Variants in DPH6 observed in about 807,000 individuals in gnomAD.
DPH6 encodes the protein diphthamine biosynthesis 6, also known as diphthine--ammonia ligase.
A neutral mutation model predicts 38.2 loss-of-function variants in DPH6; 33 were observed. The ratio of observed to expected loss-of-function variants is 0.86; its 90% confidence interval spans 0.65 to 1.15. DPH6 has a LOEUF of 1.15. Ranked by LOEUF, DPH6 falls within the 50% of genes most tolerant of loss-of-function variation. The pLI, the probability that DPH6 is intolerant of heterozygous loss-of-function variation, is 0.00. For synonymous variants in DPH6, 108 were observed against 103.0 expected (o/e 1.05, Z -0.30); for missense variants, 325 against 320.0 (o/e 1.02, Z -0.12).
intron 3 of DPH6, among the ~76,000 whole-genome samples, chr15:35,269,208 C>A (rs1735983876): frequency 6.6e-6 from 1 of 152,100 alleles, no homozygotes; most frequent in African/African-American, 2.4e-5. Flanking sequence ...TAAATCATTC[C>A]AATTCCTTAA....
At chr15:35,177,012 C>G in the DPH6 span, among the ~76,000 whole-genome samples, 43 of 152,276 alleles carry the variant, frequency 2.8e-4, no homozygotes, top group Admixed American at 2.6e-3. Flanking sequence ...AAGTTGTACT[C>G]ATAGAATTGA....
chr15:35,277,731 G>A (rs777485901), intron 3 of DPH6, among the ~76,000 whole-genome samples: 13 of 152,310 alleles, frequency 8.5e-5, no homozygotes, highest in Admixed American at 2.6e-4. Flanking sequence ...CTGGGAACGC[G>A]AGTAAAGGTT....
At chr15:35,150,823 T>C in the DPH6 span, among the ~76,000 whole-genome samples, 1 of 152,220 alleles carries the variant, frequency 6.6e-6, no homozygotes, top group African/African-American at 2.4e-5. Flanking sequence ...ATAGAGATAT[T>C]AAAAGATGAT....
chr15:35,536,653 C>T (rs2055174282), intron 3 of DPH6, among the ~76,000 whole-genome samples: 1 of 151,858 alleles, frequency 6.6e-6, no homozygotes, highest in African/African-American at 2.4e-5. Context: ...CCAAAGTGAT[C>T]AAGTTTGTGA....
intron 3 of DPH6, among the ~76,000 whole-genome samples, chr15:35,535,503 A>G (rs2055155081): frequency 6.6e-6 from 1 of 152,210 alleles, no homozygotes; most frequent in African/African-American, 2.4e-5. Context: ...AGCAGAACAG[A>G]AAGAATATAA....
At chr15:35,522,238 A>G in intron 3 of DPH6, 1 of 1,613,270 alleles carries the variant, frequency 6.2e-7, no homozygotes, top group South Asian at 1.1e-5. Flanking sequence ...TTGGAGATTC[A>G]GAGCATCATA....
chr15:35,488,796 T>C (rs184154945), intron 3 of DPH6, among the ~76,000 whole-genome samples: 254 of 152,232 alleles, frequency 1.7e-3, no homozygotes, highest in Non-Finnish European at 2.0e-3. Context: ...TTATAATCAG[T>C]AAAACAGAAT....
intron 3 of DPH6, among the ~76,000 whole-genome samples, chr15:35,511,775 T>C (rs908916897): frequency 6.6e-5 from 10 of 151,546 alleles, no homozygotes; most frequent in Admixed American, 5.3e-4. Context: ...ATAGAGAGAA[T>C]TAGGTCTAAG....
chr15:35,275,738 T>C (rs2051853631), intron 3 of DPH6, among the ~76,000 whole-genome samples: 1 of 152,028 alleles, frequency 6.6e-6, no homozygotes, highest in East Asian at 1.9e-4. Context: ...ATAATAATAT[T>C]AGTCTTCAAT....
intron 5 of DPH6, among the ~76,000 whole-genome samples, chr15:35,420,494 A>G (rs886702141): frequency 3.9e-5 from 6 of 152,186 alleles, no homozygotes; most frequent in Non-Finnish European, 7.4e-5. Flanking sequence ...AAAAATCAAT[A>G]AAACAGAGTT....
At chr15:35,501,415 T>C (rs376836011) in intron 3 of DPH6, among the ~76,000 whole-genome samples, 8 of 152,336 alleles carry the variant, frequency 5.3e-5, no homozygotes, top group African/African-American at 1.7e-4. Flanking sequence ...TTCTGACAAG[T>C]ATAACTTTTT....
chr15:35,172,041 T>C, the DPH6 span, among the ~76,000 whole-genome samples: 1 of 152,010 alleles, frequency 6.6e-6, no homozygotes, highest in Non-Finnish European at 1.5e-5. Flanking sequence ...CTAATTTTTG[T>C]ATTTTTAGTA....
the DPH6 span, among the ~76,000 whole-genome samples, chr15:35,179,204 CAAAAAAAAAAAAAA>C: frequency 4.0e-5 from 2 of 50,592 alleles, no homozygotes; most frequent in African/African-American, 7.9e-5. Context: ...ACAACTCTGT[CAAAAAAAAAAAAAA>C]AAAAAAAAAG....
chr15:35,340,885 C>G (rs1397839294), intron 3 of DPH6, among the ~76,000 whole-genome samples: 1 of 152,072 alleles, frequency 6.6e-6, no homozygotes. Context: ...GAGTATCTTA[C>G]TGTGGTTCTC....
At position 35,335,466 on chromosome 15, in the gene DPH6, G is replaced by A. The variant is rs1036279831; in HGVS notation, n.208-4389C>T. 1.3e-5 allele frequency among the ~76,000 whole-genome samples: 2 copies of A among 151,496 alleles called. 1 individual carries two copies. Among genetic ancestry groups the A allele is most frequent in the Non-Finnish European group, 2.9e-5 (2 of 67,824 alleles). On this transcript the variant is annotated intron_variant and non_coding_transcript_variant, in intron 3 of 3. Coordinates refer to the DPH6 transcript ENST00000558973. ...TTGTTATCTTTGTCATAAAATCTTT[G>A]CCCATGCCTATGTCCTGAATGATAC...
intron 3 of DPH6, among the ~76,000 whole-genome samples, chr15:35,350,313 C>T (rs1448492119): frequency 8.1e-6 from 1 of 123,684 alleles, no homozygotes; most frequent in Non-Finnish European, 1.6e-5. Context: ...ATTTTTATTA[C>T]TGGAGTCTGT....
intron 3 of DPH6, among the ~76,000 whole-genome samples, chr15:35,228,226 T>C (rs2140390427): frequency 6.6e-6 from 1 of 152,284 alleles, no homozygotes; most frequent in Non-Finnish European, 1.5e-5. Context: ...AGTTAAAAAG[T>C]GTCCCCCAAC....
intron 3 of DPH6, among the ~76,000 whole-genome samples, chr15:35,295,682 G>A (rs1426347625): frequency 2.0e-5 from 3 of 152,024 alleles, no homozygotes; most frequent in Non-Finnish European, 4.4e-5. Flanking sequence ...CATTCCCATG[G>A]TCACAAGAGC....
chr15:35,384,067 T>C (rs1234980872), intron 6 of DPH6, among the ~76,000 whole-genome samples: 1 of 152,216 alleles, frequency 6.6e-6, no homozygotes, highest in Non-Finnish European at 1.5e-5. Flanking sequence ...GTAGTACTAA[T>C]ATTTACACTG....
Sources: allele counts gnomAD v4.1 joint callset (sites outside exome capture counted in the v4.1 genomes callset), GRCh38; gene constraint gnomAD v4.1.1; transcripts MANE v1.5; gene names NCBI Gene and HGNC (gene_info 2026-07-23, HGNC 2026-07-21).